NPR2: variants seen among roughly 807,000 people sequenced by gnomAD.
NPR2 encodes the protein atrial natriuretic peptide receptor 2.
A neutral mutation model predicts 120.7 loss-of-function variants in NPR2; 49 were observed. That is an observed-to-expected ratio of 0.41 (90% CI 0.32 to 0.52). NPR2 has a LOEUF of 0.52. NPR2 is among the 20% of genes least tolerant of loss of function. The pLI is 0.36. For missense variants in NPR2, 931 were observed against 1,362.9 expected, an observed-to-expected ratio of 0.68 and a Z score of 4.99; for synonymous variants, 484 against 519.8, an observed-to-expected ratio of 0.93 and a Z score of 0.94.
At position 35,808,352 on chromosome 9, in the gene NPR2, C is replaced by T; in HGVS notation, c.2713-157C>T. 2.1e-6 allele frequency: 3 copies of T among 1,451,308 alleles called. No homozygotes were observed. Among genetic ancestry groups the T allele is most frequent in the Non-Finnish European group, 2.9e-6 (3 of 1,034,234 alleles). The allele number at this position is 1,451,308 out of a possible 1,614,324, so 89.9% of individuals were successfully genotyped here. A position where few individuals can be genotyped will look rare whatever the true frequency, so the allele number is the denominator to read the frequency against. On this transcript the variant is annotated intron_variant, in intron 18 of 21. Coordinates refer to ENST00000342694, the MANE Select transcript of NPR2 (RefSeq NM_003995.4). The surrounding 1 kb of genome is among the most constrained non-coding windows in gnomAD (Gnocchi z 4.0). ...TAAAGATTCCCTAGACATCTCCTCT[C>T]CCCTAGACTCAGGACCATGGCACTT...
Position 35,802,384 on chromosome 9 carries a change from A to G in NPR2, c.1710+101A>G, listed in dbSNP as rs578216359. ...AGATGGGCAAGGGGTTGATTTATAA[A>G]TGATTTTAAAATCGTAGATACAACT... On this transcript the variant is annotated intron_variant, in intron 10 of 21. Coordinates refer to ENST00000342694, the MANE Select transcript of NPR2 (RefSeq NM_003995.4). The surrounding 1 kb of genome is among the most constrained non-coding windows in gnomAD (Gnocchi z 4.2). 3 of 977,676 alleles carry G rather than the reference A, an allele frequency of 3.1e-6. No individual in the cohort carries two copies. In the South Asian group the frequency reaches 3.9e-5, roughly 13 times the overall value. 60.6% of individuals were successfully genotyped at this position (977,676 alleles called of 1,614,324 possible).
Position 35,792,158 on chromosome 9 carries a change from C to A in NPR2, c.-251C>A, listed in dbSNP as rs375985640. On this transcript the variant is annotated 5_prime_UTR_variant, in exon 1 of 22. Coordinates refer to ENST00000342694, the MANE Select transcript of NPR2 (RefSeq NM_003995.4). ...CAGGCCCCCTCGGTCCCTCCCTCCCCCTGCCACCCCGTTCTCAGTCCTCAG... is the reference window on the plus strand; with the variant it reads ...CAGGCCCCCTCGGTCCCTCCCTCCCACTGCCACCCCGTTCTCAGTCCTCAG... The A allele has an allele frequency of 1.5e-3, 772 of 513,828 alleles. 7 individuals are homozygous for A. Among genetic ancestry groups the A allele is most frequent in the Non-Finnish European group, 2.0e-3 (574 of 284,066 alleles). The allele number at this position is 513,828 out of a possible 1,614,324, so 31.8% of individuals were successfully genotyped here.
In NPR2 at chr9:35,792,964, G is replaced by A. The variant is rs1827833193; in HGVS notation, c.556G>A (p.Gly186Ser). ...DDRPHYFTIE[G>S]VFEALQGSNL... ...CCGGCCTCACTACTTCACCATCGAG[G>A]GCGTCTTTGAGGCCCTGCAGGGCAG... is the stretch of plus-strand genomic sequence containing the variant. The change falls in exon 1 of 22, where the codon GGC becomes AGC. Residue 186 changes from glycine (G) to serine (S), a missense_variant. This residue lies in a region of NPR2 where 681 missense variants were observed against 974.3 expected (regional missense o/e 0.70). Transcript: ENST00000342694. 2 of 1,613,900 alleles carry A rather than the reference G, an allele frequency of 1.2e-6. No individual in the cohort carries two copies. The highest frequency in any genetic ancestry group is 2.2e-5 in the East Asian group (1 of 44,880).
Position 35,802,847 on chromosome 9 carries a change from C to G in NPR2, c.1887+44C>G. On this transcript the variant is annotated intron_variant, in intron 12 of 21. Transcript: ENST00000342694. The surrounding 1 kb of genome is among the most constrained non-coding windows in gnomAD (Gnocchi z 4.2). ...TTAAAAGTTCATCCACTTTAAATCACTTCCACTGTTCTTTGATTGTGGTTT... is the reference window on the plus strand; with the variant it reads ...TTAAAAGTTCATCCACTTTAAATCAGTTCCACTGTTCTTTGATTGTGGTTT... 1 of 1,272,448 alleles carries G rather than the reference C, an allele frequency of 7.9e-7. No homozygotes were observed. Among genetic ancestry groups the G allele is most frequent in the Non-Finnish European group, 1.2e-6 (1 of 869,410 alleles). The allele number at this position is 1,272,448 out of a possible 1,614,324, so 78.8% of individuals were successfully genotyped here. A position where few individuals can be genotyped will look rare whatever the true frequency, so the allele number is the denominator to read the frequency against.
In NPR2 at chr9:35,793,890, G is replaced by A; in HGVS notation, c.668-8G>A. On this transcript the variant is annotated splice_region_variant and splice_polypyrimidine_tract_variant and intron_variant, in intron 1 of 21. Coordinates refer to ENST00000342694, the MANE Select transcript of NPR2 (RefSeq NM_003995.4). Reference sequence around the variant, plus strand: ...CAGGGTGCTCCTCTGTCATGTACCTGCTCCCAGTTGTGTATATCTGCGGCC... The same window carrying A: ...CAGGGTGCTCCTCTGTCATGTACCTACTCCCAGTTGTGTATATCTGCGGCC... 6.2e-7 allele frequency: 1 copy of A among 1,614,148 alleles called. No homozygotes were observed. The highest frequency in any genetic ancestry group is 8.5e-7 in the Non-Finnish European group (1 of 1,179,986).
chr9:35,809,450 C>T lies in NPR2; in HGVS notation c.*5C>T. The stretch of plus-strand genomic sequence containing the variant: ...GGACCTCCTGGACTCCTGTAAACCC[C>T]CATTCTTTCCAAGTCAGATAGTCTT... On this transcript the variant is annotated 3_prime_UTR_variant, in exon 22 of 22. Transcript: ENST00000342694. The surrounding 1 kb of genome is among the most constrained non-coding windows in gnomAD (Gnocchi z 4.1). The T allele has an allele frequency of 6.2e-7, 1 of 1,614,186 alleles. No homozygotes were observed. Among genetic ancestry groups the T allele is most frequent in the Non-Finnish European group, 8.5e-7 (1 of 1,180,036 alleles).
In NPR2 at chr9:35,800,570, G is replaced by C; in HGVS notation, c.1218+87G>C. On this transcript the variant is annotated intron_variant, in intron 5 of 21. Coordinates refer to ENST00000342694, the MANE Select transcript of NPR2 (RefSeq NM_003995.4). The surrounding 1 kb of genome is among the most constrained non-coding windows in gnomAD (Gnocchi z 4.7). Reference sequence around the variant, plus strand: ...AGTCGGGGCAGAACCAAAACTACTAGATGAGGGATTTGTTTTCTCTGCTGG... The same window carrying C: ...AGTCGGGGCAGAACCAAAACTACTACATGAGGGATTTGTTTTCTCTGCTGG... 6.4e-7 allele frequency: 1 copy of C among 1,568,436 alleles called. No individual in the cohort carries two copies. The highest frequency in any genetic ancestry group is 8.8e-7 in the Non-Finnish European group (1 of 1,139,612).
intron 12 of NPR2, among the ~76,000 whole-genome samples, chr9:35,803,448 C>T (rs1157741608): frequency 2.0e-5 from 3 of 152,090 alleles, no homozygotes; most frequent in South Asian, 2.1e-4. Context: ...TTTTACTCTC[C>T]GAACATATTT....
At chr9:35,807,981 A>AC (rs1828499745) in intron 18 of NPR2, 2 of 592,446 alleles carry the variant, frequency 3.4e-6, no homozygotes, top group Non-Finnish European at 6.0e-6. Context: ...GCAGACTACT[A>AC]TTTAGGGATA....
chr9:35,799,911 A>G lies in NPR2; in HGVS notation c.988-111A>G. On this transcript the variant is annotated intron_variant, in intron 3 of 21. Coordinates refer to ENST00000342694, the MANE Select transcript of NPR2 (RefSeq NM_003995.4). Reference sequence around the variant, plus strand: ...AGGAAGGGATGGCACTTTAGGAATAAGAGGGAAGAAAGCAAACCAGAAGAG... The same window carrying G: ...AGGAAGGGATGGCACTTTAGGAATAGGAGGGAAGAAAGCAAACCAGAAGAG... 11 of 1,528,696 alleles carry G rather than the reference A, an allele frequency of 7.2e-6. No homozygotes were observed. The South Asian group carries it at 9.0e-5, about 13-fold the overall frequency. 94.7% of individuals were successfully genotyped at this position (1,528,696 alleles called of 1,614,324 possible).
Position 35,805,726 on chromosome 9 carries a change from T to C in NPR2, c.2047+56T>C, listed in dbSNP as rs1828346446. ...TATTGCTCCTCTTTCCACCTAGGGA[T>C]GGTGGGAGAGGGAGGTGGAGTGACA... On this transcript the variant is annotated intron_variant, in intron 13 of 21. Transcript: ENST00000342694. The surrounding 1 kb of genome is among the most constrained non-coding windows in gnomAD (Gnocchi z 4.9). The C allele has an allele frequency of 6.2e-7, 1 of 1,608,058 alleles. No individual in the cohort carries two copies. Among genetic ancestry groups the C allele is most frequent in the South Asian group, 1.1e-5 (1 of 90,962 alleles).
chr9:35,802,556 C>A lies in NPR2; in HGVS notation c.1764C>A (p.Asp588Glu), dbSNP rs746074836. Residue 588 changes from aspartate (D) to glutamate (E), a missense_variant, in exon 11 of 22, where the codon GAC (aspartate) becomes GAA (glutamate). Asp to Glu is a conservative substitution (Grantham distance 45). Transcript: ENST00000342694. This position sits in a 1 kb window ranked among gnomAD's most constrained non-coding sequence, Gnocchi z 4.2. The part of the protein sequence containing the change: ...HLTRFIGACI[D>E]PPNICIVTEY... ...CTCGCTTCATTGGCGCCTGCATAGACCCTCCCAACATTTGCATTGTCACTG... is the reference window on the plus strand; with the variant it reads ...CTCGCTTCATTGGCGCCTGCATAGAACCTCCCAACATTTGCATTGTCACTG... The A allele has an allele frequency of 3.1e-6, 5 of 1,609,494 alleles. No individual in the cohort carries two copies. The highest frequency in any genetic ancestry group is 4.3e-6 in the Non-Finnish European group (5 of 1,175,734).
intron 3 of NPR2, 22 bp from the exon 4 acceptor site, chr9:35,800,000 C>G (rs1191873353): frequency 1.9e-6 from 3 of 1,613,384 alleles, no homozygotes; most frequent in Middle Eastern, 3.6e-4. Context: ...TTGGAGAGTA[C>G]TGCTGAAGTT....
Position 35,800,002 on chromosome 9 carries a change from G to C in NPR2, c.988-20G>C. The C allele has an allele frequency of 6.2e-7, 1 of 1,613,572 alleles. No homozygotes were observed. Among genetic ancestry groups the C allele is most frequent in the African/African-American group, 1.3e-5 (1 of 75,014 alleles). ...CCTTGCAGGACATTTGGAGAGTACT[G>C]CTGAAGTTGCCACCCCCAGATGAAC... On this transcript the variant is annotated intron_variant, in intron 3 of 21. Coordinates refer to ENST00000342694, the MANE Select transcript of NPR2 (RefSeq NM_003995.4). This position sits in a 1 kb window ranked among gnomAD's most constrained non-coding sequence, Gnocchi z 4.7.
intron 2 of NPR2, 107 bp downstream of exon 2, chr9:35,794,210 G>A: frequency 1.9e-6 from 2 of 1,035,146 alleles, no homozygotes; most frequent in South Asian, 3.3e-5. Context: ...GGAATTGTGA[G>A]CCACAGGAGT....
chr9:35,808,200 C>T lies in NPR2; in HGVS notation c.2713-309C>T, dbSNP rs746651275. Reference sequence around the variant, plus strand: ...ACCAGCCTCTGTCCTCTTGAGTTACCGTTTTCTTGCTTCCCATTTCCTGAT... The same window carrying T: ...ACCAGCCTCTGTCCTCTTGAGTTACTGTTTTCTTGCTTCCCATTTCCTGAT... On this transcript the variant is annotated intron_variant, in intron 18 of 21. Coordinates refer to ENST00000342694, the MANE Select transcript of NPR2 (RefSeq NM_003995.4). The surrounding 1 kb of genome is among the most constrained non-coding windows in gnomAD (Gnocchi z 4.0). 2.5e-5 allele frequency: 40 copies of T among 1,614,144 alleles called. No individual in the cohort carries two copies. Among genetic ancestry groups the T allele is most frequent in the East Asian group, 2.0e-4 (9 of 44,878 alleles).
rs1401156130 is a variant in NPR2, at chr9:35,805,998, C to A, written c.2203+13C>A. 6.2e-7 allele frequency: 1 copy of A among 1,614,094 alleles called. No homozygotes were observed. Among genetic ancestry groups the A allele is most frequent in the African/African-American group, 1.3e-5 (1 of 74,930 alleles). ...CTCAGCCCCAAAGGTAAGAGTCAATCCACTACCCACAGCCTCTTCTTCCTG... is the reference window on the plus strand; with the variant it reads ...CTCAGCCCCAAAGGTAAGAGTCAATACACTACCCACAGCCTCTTCTTCCTG... On this transcript the variant is annotated intron_variant, in intron 14 of 21. Coordinates refer to ENST00000342694, the MANE Select transcript of NPR2 (RefSeq NM_003995.4). The surrounding 1 kb of genome is among the most constrained non-coding windows in gnomAD (Gnocchi z 4.9).
At chr9:35,797,282 G>T (rs1388655352) in intron 2 of NPR2, among the ~76,000 whole-genome samples, 8 of 152,156 alleles carry the variant, frequency 5.3e-5, no homozygotes, top group Non-Finnish European at 1.2e-4. Flanking sequence ...AGAAAAGATT[G>T]AGTGGAACTA....
rs768410048 is a variant in NPR2, at chr9:35,807,318, T to C, written c.2644-12T>C. Reference sequence around the variant, plus strand: ...ACAAGTCTCAGGGCCTCTGCTTTTCTATCCCTTTTAGGTAGTGACACTTCT... The same window carrying C: ...ACAAGTCTCAGGGCCTCTGCTTTTCCATCCCTTTTAGGTAGTGACACTTCT... On this transcript the variant is annotated splice_polypyrimidine_tract_variant and intron_variant, in intron 17 of 21. Transcript: ENST00000342694. The C allele has an allele frequency of 1.2e-6, 2 of 1,610,584 alleles. No homozygotes were observed. The highest frequency in any genetic ancestry group is 4.5e-5 in the East Asian group (2 of 44,866).
Sources: allele counts gnomAD v4.1 joint callset (sites outside exome capture counted in the v4.1 genomes callset), GRCh38; gene constraint gnomAD v4.1.1; regional missense constraint gnomAD v4.1.1; non-coding constraint Gnocchi (gnomAD v3.1); transcripts MANE v1.5; gene names NCBI Gene and HGNC (gene_info 2026-07-23, HGNC 2026-07-21).